TNXB: variants seen among roughly 807,000 people sequenced by gnomAD.
TNXB encodes the protein tenascin XB.
A neutral mutation model predicts 340.5 loss-of-function variants in TNXB; 183 were observed. The ratio of observed to expected loss-of-function variants is 0.54; its 90% CI spans 0.48 to 0.61. The LOEUF (loss-of-function observed/expected upper bound fraction) is 0.61. Ranked by LOEUF, TNXB falls within the 20% of genes least tolerant of loss-of-function variation. TNXB has a pLI of 0.00. For synonymous variants in TNXB, 2,121 were observed against 2,314.5 expected (o/e 0.92, Z 2.40); for missense variants, 4,613 against 5,446.4 (o/e 0.85, Z 4.82).
In TNXB at chr6:32,052,869, C is replaced by T; in HGVS notation, c.8916G>A (p.Trp2972Ter). 6.2e-7 allele frequency: 1 copy of T among 1,613,226 alleles called. No homozygotes were observed. Among genetic ancestry groups the T allele is most frequent in the Non-Finnish European group, 8.5e-7 (1 of 1,179,884 alleles). The stretch of plus-strand genomic sequence containing the variant: ...AGTCGAAGCGGCCCTGGGGGATGGT[C>T]CAGGAGAGGCTCAGCGAGTCAGGGG... ...GSSPDSLSLS[W>*]TIPQGRFDSF... Residue 2972 changes from tryptophan to a stop codon, truncating the protein, a stop_gained, in exon 26 of 44, where the codon TGG (tryptophan) becomes TGA (stop). Coordinates refer to ENST00000644971, the MANE Select transcript of TNXB (RefSeq NM_001365276.2). LOFTEE classifies it high-confidence loss of function. This position sits in a 1 kb window ranked among gnomAD's most constrained non-coding sequence, Gnocchi z 4.7.
In TNXB at chr6:32,087,128, G is replaced by A; in HGVS notation, c.2780-1010C>T. The A allele has an allele frequency of 2.5e-6, 1 of 403,354 alleles. No homozygotes were observed. The highest frequency in any genetic ancestry group is 2.7e-5 in the Admixed American group (1 of 37,384). The allele number at this position is 403,354 out of a possible 1,614,324, so 25.0% of individuals were successfully genotyped here. Reference sequence around the variant, plus strand: ...GGGGGCCCCCTGGAGCCCCGGCCAGGTAGGGCCTGAAGGTAGAAGGGGGCA... The same window carrying A: ...GGGGGCCCCCTGGAGCCCCGGCCAGATAGGGCCTGAAGGTAGAAGGGGGCA... On this transcript the variant is annotated intron_variant, in intron 6 of 43. Coordinates refer to ENST00000644971, the MANE Select transcript of TNXB (RefSeq NM_001365276.2). This position sits in a 1 kb window ranked among gnomAD's most constrained non-coding sequence, Gnocchi z 9.0.
Position 32,093,448 on chromosome 6 carries a change from G to A in TNXB, c.2358+1628C>T, listed in dbSNP as rs190004962. 5.4e-4 allele frequency: 376 copies of A among 696,690 alleles called. 15 individuals are homozygous for A. The Admixed American group carries it at 7.1e-3, about 13-fold the overall frequency. 43.2% of individuals were successfully genotyped at this position (696,690 alleles called of 1,614,324 possible). ...AGTGAGGAGAGGCAGAACATAGTAGGGGGCTGGCCTGAGGAGCATAATGAC... is the reference window on the plus strand; with the variant it reads ...AGTGAGGAGAGGCAGAACATAGTAGAGGGCTGGCCTGAGGAGCATAATGAC... On this transcript the variant is annotated intron_variant, in intron 4 of 43. Transcript: ENST00000644971.
rs1174042704 is a variant in TNXB, at chr6:32,074,654, G to A, written c.4376-702C>T. Among the ~76,000 whole-genome samples, 3 of 151,996 alleles carry A rather than the reference G, an allele frequency of 2.0e-5. No individual in the cohort carries two copies. The highest frequency in any genetic ancestry group is 2.0e-4 in the Admixed American group (3 of 15,264). On this transcript the variant is annotated intron_variant, in intron 11 of 43. Transcript: ENST00000644971. This position sits in a 1 kb window ranked among gnomAD's most constrained non-coding sequence, Gnocchi z 5.5. Reference sequence around the variant, plus strand: ...TCTGAGCTTCCTGACACCTGCTCCCGCCACAGCCTCCCCACCTCAGTAAGA... The same window carrying A: ...TCTGAGCTTCCTGACACCTGCTCCCACCACAGCCTCCCCACCTCAGTAAGA...
chr6:32,075,360 C>T lies in TNXB; in HGVS notation c.4376-1408G>A, dbSNP rs1225899121. Among the ~76,000 whole-genome samples the T allele has an allele frequency of 6.6e-6, 1 of 152,224 alleles. No homozygotes were observed. The highest frequency in any genetic ancestry group is 1.5e-5 in the Non-Finnish European group (1 of 68,042). The stretch of plus-strand genomic sequence containing the variant: ...CCTATTGCCTGCCCTCCTCCAACTC[C>T]ACCACAAAACATACTGCATTCCTCA... On this transcript the variant is annotated intron_variant, in intron 11 of 43. Coordinates refer to ENST00000644971, the MANE Select transcript of TNXB (RefSeq NM_001365276.2). This position sits in a 1 kb window ranked among gnomAD's most constrained non-coding sequence, Gnocchi z 4.6.
At chr6:32,077,972 A>T (rs1779173881) in intron 11 of TNXB, among the ~76,000 whole-genome samples, 2 of 151,730 alleles carry the variant, frequency 1.3e-5, no homozygotes. Flanking sequence ...GGTTGCAGTG[A>T]GCCAAGATTG....
At position 32,079,202 on chromosome 6, in the gene TNXB, GAA is replaced by G. The variant is rs776303843; in HGVS notation, c.4204_4205del (p.Phe1402HisfsTer22). Reference sequence around the variant, plus strand: ...CATCCCTGTCCTTGTACTGCACGGTGAAAGAGTCGAAGCTGCCCTGGGGGACG... The same window carrying G: ...CATCCCTGTCCTTGTACTGCACGGTGAGAGTCGAAGCTGCCCTGGGGGACG... ...WTVPQGSFDS[F>X]TVQYKDRDGR... On this transcript the variant is annotated frameshift_variant, in exon 11 of 44. Transcript: ENST00000644971. LOFTEE classifies it high-confidence loss of function. This position sits in a 1 kb window ranked among gnomAD's most constrained non-coding sequence, Gnocchi z 7.1. The G allele has an allele frequency of 1.9e-6, 3 of 1,613,796 alleles. No homozygotes were observed. In the African/African-American group the frequency reaches 4.0e-5, roughly 22 times the overall value.
rs117390585 is a variant in TNXB at position 32,106,247 on chromosome 6, A to G, written c.-9+2934T>C. 2.3e-3 allele frequency among the ~76,000 whole-genome samples: 347 copies of G among 151,904 alleles called. 13 individuals are homozygous for G. In the East Asian group the frequency reaches 0.061, roughly 27 times the overall value. On this transcript the variant is annotated intron_variant, in intron 1 of 43. Coordinates refer to ENST00000644971, the MANE Select transcript of TNXB (RefSeq NM_001365276.2). Reference sequence around the variant, plus strand: ...GGCAGGGATTGGGGAGCACACAGAGACAAGAGGTGGGAGGAAAGGTGGTAG... The same window carrying G: ...GGCAGGGATTGGGGAGCACACAGAGGCAAGAGGTGGGAGGAAAGGTGGTAG...
At position 32,082,749 on chromosome 6, in the gene TNXB, A is replaced by G. The variant is rs747661401; in HGVS notation, c.3446-423T>C. ...TTCTTCTCCAAGAGAGGAGAGCACA[A>G]TCCTTGAAGCGTTTTAACGTGGGAC... On this transcript the variant is annotated intron_variant, in intron 8 of 43. Coordinates refer to ENST00000644971, the MANE Select transcript of TNXB (RefSeq NM_001365276.2). This position sits in a 1 kb window ranked among gnomAD's most constrained non-coding sequence, Gnocchi z 5.0. 2.0e-5 allele frequency among the ~76,000 whole-genome samples: 3 copies of G among 152,108 alleles called. No homozygotes were observed. The highest frequency in any genetic ancestry group is 2.9e-5 in the Non-Finnish European group (2 of 68,022).
chr6:32,049,408 G>A lies in TNXB; in HGVS notation c.9619C>T (p.Pro3207Ser), dbSNP rs372798531. The A allele has an allele frequency of 6.2e-7, 1 of 1,612,544 alleles. No homozygotes were observed. The highest frequency in any genetic ancestry group is 8.5e-7 in the Non-Finnish European group (1 of 1,179,882). Residue 3207 changes from proline (P) to serine (S), a missense_variant, in exon 28 of 44, where the codon CCC becomes TCC. Physicochemically the swap from Pro to Ser is moderately conservative, Grantham distance 74 (BLOSUM62 -1). This residue lies in a region of TNXB where 4,327 missense variants were observed against 4,859.4 expected (regional missense o/e 0.89). Transcript: ENST00000644971. The surrounding 1 kb of genome is among the most constrained non-coding windows in gnomAD (Gnocchi z 4.5). ...TVQYKDRDGQPQVVRVRGEES... is the reference protein window; with the variant it reads ...TVQYKDRDGQSQVVRVRGEES... Reference sequence around the variant, plus strand: ...TCGCCCCTGACACGCACCACCTGGGGCTGCCCGTCCCTGTCCTTGTACTGC... The same window carrying A: ...TCGCCCCTGACACGCACCACCTGGGACTGCCCGTCCCTGTCCTTGTACTGC...
At chr6:32,092,677 C>A (rs536936513) in intron 4 of TNXB, among the ~76,000 whole-genome samples, 51 of 125,020 alleles carry the variant, frequency 4.1e-4, no homozygotes, top group East Asian at 1.6e-3. Flanking sequence ...GCAACAAGAG[C>A]AAAACTCTGT....
chr6:32,062,920 T>C lies in TNXB; in HGVS notation c.6842-437A>G, dbSNP rs1778115937. 6.6e-6 allele frequency among the ~76,000 whole-genome samples: 1 copy of C among 151,670 alleles called. No individual in the cohort carries two copies. Among genetic ancestry groups the C allele is most frequent in the African/African-American group, 2.4e-5 (1 of 41,244 alleles). On this transcript the variant is annotated intron_variant, in intron 19 of 43. Transcript: ENST00000644971. The surrounding 1 kb of genome is among the most constrained non-coding windows in gnomAD (Gnocchi z 4.3). Reference sequence around the variant, plus strand: ...AATACAAAAAATTAGCCAGGCGTGTTGGCGGGCACCTGTAGTCCCAGCTAC... The same window carrying C: ...AATACAAAAAATTAGCCAGGCGTGTCGGCGGGCACCTGTAGTCCCAGCTAC...
rs1777102832 is a variant in TNXB, at chr6:32,049,312, C to T, written c.9715G>A (p.Glu3239Lys). ...GACACTGGGCCCACGCGCTGCCCCT[C>T]GTGGAGGCCGTACAGATGCATCTTG... ...KYKMHLYGLHEGQRVGPVSTV... is the reference protein window; with the variant it reads ...KYKMHLYGLHKGQRVGPVSTV... The change falls in exon 28 of 44, where the codon GAG becomes AAG. Residue 3239 changes from glutamate to lysine, a missense_variant. Coordinates refer to ENST00000644971, the MANE Select transcript of TNXB (RefSeq NM_001365276.2). This position sits in a 1 kb window ranked among gnomAD's most constrained non-coding sequence, Gnocchi z 4.5. The T allele has an allele frequency of 1.2e-6, 2 of 1,612,380 alleles. No homozygotes were observed. Among genetic ancestry groups the T allele is most frequent in the Non-Finnish European group, 1.7e-6 (2 of 1,179,808 alleles).
At position 32,096,594 on chromosome 6, in the gene TNXB, A is replaced by G. The variant is rs200226242; in HGVS notation, c.1259T>C (p.Val420Ala). ...QRGRCEDGRC[V>A]CWPGYTGTDC... The stretch of plus-strand genomic sequence containing the variant: ...GGTTCCAGTGTACCCCGGCCAGCAC[A>G]CGCAGCGGCCGTCCTCGCAGCGGCC... The change falls in exon 3 of 44, where the codon GTG becomes GCG. Residue 420 changes from valine (V) to alanine (A), a missense_variant. Val to Ala is a moderately conservative substitution (Grantham distance 64). This residue lies in a region of TNXB where 4,327 missense variants were observed against 4,859.4 expected (regional missense o/e 0.89). Transcript: ENST00000644971. 4.1e-4 allele frequency: 655 copies of G among 1,586,176 alleles called. 4 individuals are homozygous for G. Among genetic ancestry groups the G allele is most frequent in the South Asian group, 2.3e-3 (200 of 87,892 alleles).
intron 43 of TNXB, 140 bp from the exon 44 acceptor site, chr6:32,041,590 G>A (rs1482080673): frequency 9.3e-6 from 10 of 1,070,588 alleles, no homozygotes; most frequent in Non-Finnish European, 1.4e-5. Context: ...AGAGGATTGA[G>A]GCTTAATTCT....
In TNXB at chr6:32,062,380, G is replaced by A. The variant is rs766847535; in HGVS notation, c.6945C>T (p.Thr2315=). The A allele has an allele frequency of 1.6e-5, 26 of 1,613,300 alleles. No homozygotes were observed. Among genetic ancestry groups the A allele is most frequent in the Middle Eastern group, 1.6e-4 (1 of 6,084 alleles). Residue 2315 remains threonine, a synonymous_variant, in exon 20 of 44, where the codon ACC becomes ACT. Transcript: ENST00000644971. This position sits in a 1 kb window ranked among gnomAD's most constrained non-coding sequence, Gnocchi z 4.3. ...TCCAGGACAGGCTGAGGGAGTCAGGGGTCGCATCTGTCACGGTCAGCTCCT... is the reference window on the plus strand; with the variant it reads ...TCCAGGACAGGCTGAGGGAGTCAGGAGTCGCATCTGTCACGGTCAGCTCCT... ...RLEELTVTDA[T]PDSLSLSWTV...
Position 32,081,515 on chromosome 6 carries a change from G to C in TNXB, c.3895C>G (p.Gln1299Glu). 1 of 1,607,328 alleles carries C rather than the reference G, an allele frequency of 6.2e-7. No individual in the cohort carries two copies. Among genetic ancestry groups the C allele is most frequent in the Non-Finnish European group, 8.5e-7 (1 of 1,177,020 alleles). ...ACAGGCACTGCCTGGGGCTGCCCCTGTGCATCCTTGTACTGGACCATGAAT... is the reference window on the plus strand; with the variant it reads ...ACAGGCACTGCCTGGGGCTGCCCCTCTGCATCCTTGTACTGGACCATGAAT... ...DSFMVQYKDA[Q>E]GQPQAVPVAG... Residue 1299 changes from glutamine (Q) to glutamate (E), a missense_variant, in exon 10 of 44, where the codon CAG becomes GAG. Around this residue, in one of 7 missense-constraint regions of TNXB, gnomAD observed 4,327 missense variants for 4,859.4 expected, o/e 0.89. Coordinates refer to ENST00000644971, the MANE Select transcript of TNXB (RefSeq NM_001365276.2). The surrounding 1 kb of genome is among the most constrained non-coding windows in gnomAD (Gnocchi z 5.1).
At position 32,081,888 on chromosome 6, in the gene TNXB, G is replaced by T. The variant is rs1779473016; in HGVS notation, c.3736+148C>A. The T allele has an allele frequency of 1.3e-6, 1 of 799,750 alleles. No individual in the cohort carries two copies. Among genetic ancestry groups the T allele is most frequent in the Non-Finnish European group, 2.0e-6 (1 of 507,048 alleles). 49.5% of individuals were successfully genotyped at this position (799,750 alleles called of 1,614,324 possible). A position where few individuals can be genotyped will look rare whatever the true frequency, so the allele number is the denominator to read the frequency against. On this transcript the variant is annotated intron_variant, in intron 9 of 43. Transcript: ENST00000644971. This position sits in a 1 kb window ranked among gnomAD's most constrained non-coding sequence, Gnocchi z 5.1. ...GATGGAAGGGGCCCAGCAGTGCGGG[G>T]GAGTCTGGCTGCCCCTCAGCCCTGG... is the stretch of plus-strand genomic sequence containing the variant.
At position 32,049,542 on chromosome 6, in the gene TNXB, T is replaced by C; in HGVS notation, c.9485A>G (p.Glu3162Gly). Residue 3162 changes from glutamate (E) to glycine (G), a missense_variant, in exon 28 of 44, where the codon GAG becomes GGG. Glu to Gly is a moderately conservative substitution (Grantham distance 98). This residue lies in a region of TNXB where 4,327 missense variants were observed against 4,859.4 expected (regional missense o/e 0.89). Coordinates refer to ENST00000644971, the MANE Select transcript of TNXB (RefSeq NM_001365276.2). This position sits in a 1 kb window ranked among gnomAD's most constrained non-coding sequence, Gnocchi z 4.5. ...SPTEPSTEAP[E>G]APEEPLLGEL... Reference sequence around the variant, plus strand: ...CCCCAGGAGCGGCTCCTCAGGGGCCTCCGGGGCCTCAGTGCTGGGTTCTGT... The same window carrying C: ...CCCCAGGAGCGGCTCCTCAGGGGCCCCCGGGGCCTCAGTGCTGGGTTCTGT... 1 of 1,612,410 alleles carries C rather than the reference T, an allele frequency of 6.2e-7. No individual in the cohort carries two copies. The highest frequency in any genetic ancestry group is 8.5e-7 in the Non-Finnish European group (1 of 1,179,806).
In TNXB at chr6:32,087,604, C is replaced by A; in HGVS notation, c.2779+1181G>T. ...CCGTTTCCTGGTGCCGGGATCAGGG[C>A]TGGCGGTGGGGCGGGGGTGGCGGGG... On this transcript the variant is annotated intron_variant, in intron 6 of 43. Coordinates refer to ENST00000644971, the MANE Select transcript of TNXB (RefSeq NM_001365276.2). The surrounding 1 kb of genome is among the most constrained non-coding windows in gnomAD (Gnocchi z 9.0). 1 of 77,252 alleles carries A rather than the reference C, an allele frequency of 1.3e-5. No homozygotes were observed. Among genetic ancestry groups the A allele is most frequent in the Non-Finnish European group, 2.9e-5 (1 of 33,954 alleles). 4.8% of individuals were successfully genotyped at this position (77,252 alleles called of 1,614,324 possible).
Sources: gnomAD v4.1 joint callset for allele counts (sites outside exome capture counted in the v4.1 genomes callset) on GRCh38, gnomAD v4.1.1 for gene constraint, gnomAD v4.1.1 regional missense constraint, Gnocchi (gnomAD v3.1) non-coding constraint, MANE v1.5 for transcripts, NCBI Gene and HGNC (gene_info 2026-07-23, HGNC 2026-07-21) for gene names.